EHMT1: variants seen among roughly 807,000 people sequenced by gnomAD.
EHMT1 encodes histone-lysine N-methyltransferase EHMT1.
Under a neutral mutation model 147.2 loss-of-function variants are expected in EHMT1, and 15 were observed. The observed-to-expected ratio is 0.10, with a 90% CI of 0.07 to 0.16. The LOEUF is 0.16. Among genes scored for constraint, EHMT1 ranks in the 10% least tolerant of loss-of-function variants. EHMT1 has a pLI of 1.00. For missense variants in EHMT1, 1,587 were observed against 1,772.4 expected, an observed-to-expected ratio of 0.90 and a Z score of 1.88; for synonymous variants, 795 against 709.6, an observed-to-expected ratio of 1.12 and a Z score of -1.91.
chr9:137,807,715 C>G (rs1954069632), intron 18 of EHMT1, among the ~76,000 whole-genome samples: 1 of 152,068 alleles, frequency 6.6e-6, no homozygotes, highest in African/African-American at 2.4e-5. Flanking sequence ...ACCACGTTGC[C>G]CAGGCTGGTC....
intron 1 of EHMT1, among the ~76,000 whole-genome samples, chr9:137,626,924 AG>A (rs982536883): frequency 1.3e-5 from 2 of 151,686 alleles, no homozygotes; most frequent in African/African-American, 4.9e-5. Context: ...CTGGGATTAC[AG>A]GCGTGCACTA....
At chr9:137,664,754 G>A (rs912711710) in intron 1 of EHMT1, among the ~76,000 whole-genome samples, 2 of 152,126 alleles carry the variant, frequency 1.3e-5, no homozygotes, top group African/African-American at 4.8e-5. Context: ...GGATTCTCTT[G>A]GGTTTCTGTG....
Position 137,653,689 on chromosome 9 carries a change from C to G in EHMT1, c.21+34640C>G, listed in dbSNP as rs1938115555. On this transcript the variant is annotated intron_variant, in intron 1 of 26. Transcript: ENST00000460843. ...GATGACAGGCATGTGCCACCGTGCC[C>G]AGTTAATTTTGTATTTTTAGTAGAG... Among the ~76,000 whole-genome samples, 3 of 152,058 alleles carry G rather than the reference C, an allele frequency of 2.0e-5. 1 individual carries two copies. Among genetic ancestry groups the G allele is most frequent in the African/African-American group, 7.2e-5 (3 of 41,400 alleles).
At chr9:137,802,344 C>T (rs1953564125) in intron 18 of EHMT1, 1 of 398,558 alleles carries the variant, frequency 2.5e-6, no homozygotes, top group African/African-American at 2.1e-5. Context: ...TCCACCTTCA[C>T]AGAGGGTTCC....
intron 1 of EHMT1, among the ~76,000 whole-genome samples, chr9:137,625,441 C>G (rs535494615): frequency 1.3e-5 from 2 of 152,192 alleles, no homozygotes; most frequent in African/African-American, 4.8e-5. Flanking sequence ...TGGGCTCAAG[C>G]AAGCCTCTTG....
At chr9:137,740,301 G>A (rs992110790) in intron 4 of EHMT1, among the ~76,000 whole-genome samples, 2 of 152,156 alleles carry the variant, frequency 1.3e-5, no homozygotes, top group African/African-American at 2.4e-5. Flanking sequence ...TCTTTGCTCG[G>A]GGTCCTGAAG....
chr9:137,733,612 G>A (rs576934078), intron 4 of EHMT1, among the ~76,000 whole-genome samples: 2 of 152,314 alleles, frequency 1.3e-5, no homozygotes, highest in South Asian at 4.1e-4. Flanking sequence ...GGAACAGTGT[G>A]CGTGCAGCTT....
intron 3 of EHMT1, among the ~76,000 whole-genome samples, chr9:137,723,448 C>T (rs1946283000): frequency 1.5e-5 from 2 of 134,296 alleles, no homozygotes; most frequent in Non-Finnish European, 3.2e-5. Context: ...GGGGTGTGCC[C>T]TGTGTCTGTG....
intron 15 of EHMT1, chr9:137,789,368 G>C (rs190510100): frequency 6.6e-6 from 1 of 152,628 alleles, no homozygotes; most frequent in Admixed American, 6.5e-5. Context: ...CTTTCACCAG[G>C]ATTTTTGGGG....
At chr9:137,683,583 G>T (rs781764176) in intron 1 of EHMT1, among the ~76,000 whole-genome samples, 1 of 152,188 alleles carries the variant, frequency 6.6e-6, no homozygotes, top group African/African-American at 2.4e-5. Flanking sequence ...ATCATGACTG[G>T]CTATGATGTA....
chr9:137,826,613 C>G (rs1284442466), intron 25 of EHMT1, among the ~76,000 whole-genome samples: 4 of 152,254 alleles, frequency 2.6e-5, no homozygotes, highest in African/African-American at 7.2e-5. Context: ...ACCCCACCGC[C>G]TGGCTCATGG....
intron 18 of EHMT1, among the ~76,000 whole-genome samples, chr9:137,802,123 G>A (rs1445638166): frequency 6.6e-6 from 1 of 152,186 alleles, no homozygotes; most frequent in East Asian, 1.9e-4. Flanking sequence ...AACTCAAAAG[G>A]GTGTTCACTA....
intron 6 of EHMT1, among the ~76,000 whole-genome samples, chr9:137,748,550 G>C (rs372103477): frequency 6.6e-6 from 1 of 152,156 alleles, no homozygotes; most frequent in Non-Finnish European, 1.5e-5. Flanking sequence ...TCTGCCATGC[G>C]GCTCCCCACG....
intron 25 of EHMT1, chr9:137,823,363 G>A: frequency 3.0e-6 from 1 of 328,650 alleles, no homozygotes; most frequent in Non-Finnish European, 5.8e-6. Flanking sequence ...CTCCCAAAGT[G>A]CTGGGATTAC....
chr9:137,805,401 CAG>C (rs1953863759), intron 18 of EHMT1, among the ~76,000 whole-genome samples: 1 of 152,174 alleles, frequency 6.6e-6, no homozygotes, highest in African/African-American at 2.4e-5. Flanking sequence ...GTCCACATGT[CAG>C]AGTCAGTTGT....
chr9:137,651,097 G>A (rs887217474), intron 1 of EHMT1: 3 of 152,016 alleles, frequency 2.0e-5, no homozygotes, highest in African/African-American at 7.3e-5. Flanking sequence ...CAGTGTTGAC[G>A]ATGATATGGA....
intron 18 of EHMT1, among the ~76,000 whole-genome samples, chr9:137,806,161 A>G (rs552484850): frequency 9.9e-5 from 15 of 151,478 alleles, no homozygotes; most frequent in Non-Finnish European, 1.2e-4. Flanking sequence ...GGGTTTCACC[A>G]TGTTGGCTAG....
chr9:137,639,172 T>C (rs1169556633), intron 1 of EHMT1, among the ~76,000 whole-genome samples: 7 of 152,210 alleles, frequency 4.6e-5, no homozygotes, highest in Non-Finnish European at 1.0e-4. Context: ...TCTAATGTAA[T>C]TCCTGTATGG....
At chr9:137,638,797 C>T (rs143060447) in intron 1 of EHMT1, among the ~76,000 whole-genome samples, 1,633 of 152,040 alleles carry the variant, frequency 0.011, 8 homozygotes, top group Non-Finnish European at 0.016. Context: ...AGACAGCATG[C>T]GGACACACAG....
Sources: gnomAD v4.1 joint callset for allele counts (sites outside exome capture counted in the v4.1 genomes callset) on GRCh38, gnomAD v4.1.1 for gene constraint, MANE v1.5 for transcripts, NCBI Gene and HGNC (gene_info 2026-07-23, HGNC 2026-07-21) for gene names.